Variants in PPM1E observed in about 807,000 individuals in gnomAD.
The protein encoded by PPM1E is protein phosphatase 1E.
A neutral mutation model predicts 65.9 loss-of-function variants in PPM1E; 20 were observed. That is an observed-to-expected ratio of 0.30 (90% CI 0.21 to 0.44). The LOEUF is 0.44. PPM1E is among the 20% of genes least tolerant of loss of function. PPM1E has a pLI of 1.00. For missense variants in PPM1E, 713 were observed against 953.1 expected (o/e 0.75, Z 3.32); for synonymous variants, 352 against 374.9 (o/e 0.94, Z 0.70).
intron 1 of PPM1E, among the ~76,000 whole-genome samples, chr17:58,780,841 C>G (rs574340325): frequency 3.3e-5 from 5 of 152,226 alleles, no homozygotes; most frequent in Non-Finnish European, 5.9e-5. Context: ...CTATGTTCCT[C>G]TAGATATTTA....
intron 1 of PPM1E, among the ~76,000 whole-genome samples, chr17:58,801,766 A>G (rs930227640): frequency 1.5e-5 from 2 of 135,864 alleles, no homozygotes; most frequent in Non-Finnish European, 3.2e-5. Flanking sequence ...TTTAATTTTT[A>G]TTTTTTTTGA....
chr17:58,965,542 AG>A (rs2030196070), intron 2 of PPM1E, 151 bp from the exon 3 acceptor site: 1 of 760,554 alleles, frequency 1.3e-6, no homozygotes, highest in Non-Finnish European at 2.2e-6. Context: ...TTCTCTCTTC[AG>A]AAGCAGCATT....
At chr17:58,812,852 C>T (rs1397983684) in intron 1 of PPM1E, among the ~76,000 whole-genome samples, 2 of 152,190 alleles carry the variant, frequency 1.3e-5, no homozygotes, top group East Asian at 1.9e-4. Context: ...CAGGCATGAG[C>T]CACCGTGCCC....
intron 2 of PPM1E, among the ~76,000 whole-genome samples, chr17:58,963,520 G>A (rs1259956916): frequency 1.3e-5 from 2 of 151,388 alleles, no homozygotes. Context: ...TGGCCAACAT[G>A]GTGAAATGCC....
chr17:58,793,834 TG>T (rs2050180523), intron 1 of PPM1E, among the ~76,000 whole-genome samples: 1 of 152,166 alleles, frequency 6.6e-6, no homozygotes, highest in Admixed American at 6.6e-5. Flanking sequence ...CTATATAAAC[TG>T]TGTATATACC....
At chr17:58,821,260 G>A (rs559851423) in intron 1 of PPM1E, among the ~76,000 whole-genome samples, 3 of 152,078 alleles carry the variant, frequency 2.0e-5, no homozygotes, top group South Asian at 2.1e-4. Context: ...ACAGGCGCCC[G>A]CCAACACGCC....
intron 1 of PPM1E, among the ~76,000 whole-genome samples, chr17:58,931,848 AAAC>A (rs2051904137): frequency 6.6e-6 from 1 of 152,232 alleles, no homozygotes; most frequent in Non-Finnish European, 1.5e-5. Context: ...CCAGCCAGCC[AAAC>A]AAGTGATAAA....
At chr17:58,900,830 G>GA (rs1322759689) in intron 1 of PPM1E, among the ~76,000 whole-genome samples, 5 of 152,126 alleles carry the variant, frequency 3.3e-5, no homozygotes, top group African/African-American at 1.2e-4. Context: ...TTATGCTTGG[G>GA]AGTGGATTGA....
chr17:58,879,756 G>C (rs953858357), intron 1 of PPM1E, among the ~76,000 whole-genome samples: 1 of 151,874 alleles, frequency 6.6e-6, no homozygotes, highest in African/African-American at 2.4e-5. Context: ...TGATCCACCC[G>C]CCTCGGCCTC....
At chr17:58,834,767 C>T (rs966315114) in intron 1 of PPM1E, among the ~76,000 whole-genome samples, 5 of 152,110 alleles carry the variant, frequency 3.3e-5, no homozygotes, top group East Asian at 1.9e-4. Context: ...TCTCCCAATA[C>T]GACCGTTTAA....
chr17:58,760,681 C>G (rs915866924), intron 1 of PPM1E, among the ~76,000 whole-genome samples: 2 of 152,144 alleles, frequency 1.3e-5, no homozygotes, highest in Admixed American at 6.5e-5. Flanking sequence ...CAAGTCTGCT[C>G]AAGACTTCTG....
At chr17:58,825,604 G>T (rs1212358469) in intron 1 of PPM1E, among the ~76,000 whole-genome samples, 3 of 151,476 alleles carry the variant, frequency 2.0e-5, no homozygotes, top group South Asian at 2.1e-4. Context: ...TCACTTTGTT[G>T]CCCTGGCTGT....
chr17:58,757,280 T>C (rs1340937128), intron 1 of PPM1E, among the ~76,000 whole-genome samples: 1 of 152,124 alleles, frequency 6.6e-6, no homozygotes, highest in Non-Finnish European at 1.5e-5. Context: ...GTCCATTAAG[T>C]AGATGGGATG....
At chr17:58,807,242 T>C (rs1381639479) in intron 1 of PPM1E, among the ~76,000 whole-genome samples, 1 of 152,220 alleles carries the variant, frequency 6.6e-6, no homozygotes, top group East Asian at 1.9e-4. Flanking sequence ...AAAGAAAATG[T>C]TTTAGTGAAC....
intron 1 of PPM1E, among the ~76,000 whole-genome samples, chr17:58,818,855 A>T (rs962485808): frequency 2.0e-5 from 3 of 152,332 alleles, no homozygotes; most frequent in Middle Eastern, 3.4e-3. Context: ...TTTGCTGAAT[A>T]GCCAGGTGCA....
intron 1 of PPM1E, among the ~76,000 whole-genome samples, chr17:58,888,362 C>T (rs201956723): frequency 1.4e-4 from 15 of 104,474 alleles, no homozygotes; most frequent in Admixed American, 2.1e-4. Flanking sequence ...ACTCTTCTCT[C>T]TTTTTTTTTT....
Position 58,887,162 on chromosome 17 carries a change from C to CTTT in PPM1E, c.465-68469_465-68467dup, listed in dbSNP as rs71143300. On this transcript the variant is annotated intron_variant, in intron 1 of 6. Coordinates refer to ENST00000308249, the MANE Select transcript of PPM1E (RefSeq NM_014906.5). ...CATACCTCATAAGTGAGGCCTTCTT[C>CTTT]TTTTTTTTTTTTTTTTTTTTGAGAT... Among the ~76,000 whole-genome samples the CTTT allele has an allele frequency of 7.0e-3, 780 of 111,574 alleles. 14 individuals are homozygous for CTTT. The highest frequency in any genetic ancestry group is 0.014 in the African/African-American group (406 of 28,490). 73.2% of individuals were successfully genotyped at this position (111,574 alleles called of 152,430 possible). A position where few individuals can be genotyped will look rare whatever the true frequency, so the allele number is the denominator to read the frequency against.
intron 1 of PPM1E, among the ~76,000 whole-genome samples, chr17:58,814,039 G>A (rs2050393499): frequency 6.6e-6 from 1 of 152,242 alleles, no homozygotes; most frequent in East Asian, 1.9e-4. Context: ...AATGGAAATG[G>A]AATTAGATAA....
At chr17:58,970,679 T>A (rs2030547908) in intron 4 of PPM1E, among the ~76,000 whole-genome samples, 1 of 152,140 alleles carries the variant, frequency 6.6e-6, no homozygotes, top group Non-Finnish European at 1.5e-5. Flanking sequence ...TCCCCTCCCC[T>A]AAGTTTGGAT....
Sources: allele counts gnomAD v4.1 joint callset (sites outside exome capture counted in the v4.1 genomes callset), GRCh38; gene constraint gnomAD v4.1.1; transcripts MANE v1.5; gene names NCBI Gene and HGNC (gene_info 2026-07-23, HGNC 2026-07-21).